The following LTBP1 variants were observed in gnomAD, a reference collection of about 807,000 sequenced individuals.
The protein encoded by LTBP1 is latent transforming growth factor beta binding protein 1.
LTBP1 carries 129 observed loss-of-function variants against 207.6 expected under a neutral mutation model. The ratio of observed to expected loss-of-function variants is 0.62; its 90% CI spans 0.54 to 0.72. The LOEUF is 0.72. Among genes scored for constraint, LTBP1 ranks in the 30% least tolerant of loss-of-function variants. The probability of loss-of-function intolerance (pLI) is 0.00; values close to 1 mark genes in which losing one functional copy is unlikely to be tolerated. For synonymous variants in LTBP1, 963 were observed against 833.7 expected (o/e 1.16, Z -2.67); for missense variants, 2,281 against 2,217.2 (o/e 1.03, Z -0.58).
chr2:32,956,341 C>T (rs983076238), intron 2 of LTBP1, among the ~76,000 whole-genome samples: 2 of 152,112 alleles, frequency 1.3e-5, no homozygotes, highest in Admixed American at 1.3e-4. Flanking sequence ...TCAAACGCTA[C>T]TGCTGCCTTA....
At chr2:33,229,399 G>A (rs62146734) in intron 9 of LTBP1, among the ~76,000 whole-genome samples, 59,436 of 151,978 alleles carry the variant, frequency 0.39, 13,047 homozygotes, top group Non-Finnish European at 0.49. Context: ...GCTTGAGTCC[G>A]GGAGTTCGAG....
chr2:33,181,043 G>A (rs1287198786), intron 5 of LTBP1, among the ~76,000 whole-genome samples: 1 of 152,148 alleles, frequency 6.6e-6, no homozygotes, highest in Non-Finnish European at 1.5e-5. Context: ...TCAGATGGAG[G>A]TTTGTTTTCC....
At chr2:33,050,873 A>C (rs1439486435) in intron 3 of LTBP1, among the ~76,000 whole-genome samples, 1 of 151,944 alleles carries the variant, frequency 6.6e-6, no homozygotes, top group Non-Finnish European at 1.5e-5. Context: ...AGCTGGGATT[A>C]CAGGCGGGCA....
At chr2:33,204,971 T>G (rs1187559692) in intron 7 of LTBP1, among the ~76,000 whole-genome samples, 1 of 152,206 alleles carries the variant, frequency 6.6e-6, no homozygotes, top group African/African-American at 2.4e-5. Context: ...GTTTCTTCAT[T>G]TTTCAAATAA....
At chr2:32,987,761 C>T (rs1253588809) in intron 2 of LTBP1, among the ~76,000 whole-genome samples, 1 of 152,176 alleles carries the variant, frequency 6.6e-6, no homozygotes, top group African/African-American at 2.4e-5. Flanking sequence ...CACATCCATG[C>T]ATTACATACT....
chr2:33,076,570 CTT>C lies in LTBP1; in HGVS notation c.864-34011_864-34010del, dbSNP rs1471348849. ...TTTTTTTTTGAGATGGAGTTTCACT[CTT>C]GTCACCCAGGCTGGAGTGCAGTGGC... On this transcript the variant is annotated intron_variant, in intron 3 of 33. Transcript: ENST00000404816. Among the ~76,000 whole-genome samples the C allele has an allele frequency of 2.6e-5, 4 of 151,386 alleles. No homozygotes were observed. In the South Asian group the frequency reaches 8.4e-4, roughly 32 times the overall value.
chr2:33,384,840 A>G (rs1485217453), intron 31 of LTBP1, among the ~76,000 whole-genome samples: 1 of 152,132 alleles, frequency 6.6e-6, no homozygotes, highest in African/African-American at 2.4e-5. Flanking sequence ...AAGCACCTCC[A>G]AGCTGTAATG....
chr2:33,012,784 A>G (rs1029970075), intron 2 of LTBP1, among the ~76,000 whole-genome samples: 15 of 152,370 alleles, frequency 9.8e-5, no homozygotes, highest in African/African-American at 3.4e-4. Flanking sequence ...GATAACAGTT[A>G]TAACAATATA....
intron 23 of LTBP1, among the ~76,000 whole-genome samples, chr2:33,313,067 G>A (rs560638063): frequency 6.6e-6 from 1 of 152,252 alleles, no homozygotes; most frequent in East Asian, 1.9e-4. Context: ...AATAGGTAGA[G>A]AACAAACATA....
At chr2:33,034,808 C>T (rs1016565270) in intron 3 of LTBP1, among the ~76,000 whole-genome samples, 4 of 151,766 alleles carry the variant, frequency 2.6e-5, no homozygotes, top group East Asian at 1.9e-4. Context: ...TGAATAAATA[C>T]GCAATATGGA....
At chr2:33,154,273 A>G (rs1162182060) in intron 5 of LTBP1, among the ~76,000 whole-genome samples, 2 of 152,310 alleles carry the variant, frequency 1.3e-5, no homozygotes, top group East Asian at 3.9e-4. Flanking sequence ...AATATGTAAC[A>G]CATAATGCAA....
chr2:33,148,017 A>G (rs1379858296), intron 5 of LTBP1, among the ~76,000 whole-genome samples: 3 of 152,366 alleles, frequency 2.0e-5, no homozygotes, highest in Middle Eastern at 3.4e-3. Flanking sequence ...CCCAAATCCC[A>G]TAACAGGAGT....
At chr2:33,305,886 A>G (rs1290580438) in intron 22 of LTBP1, among the ~76,000 whole-genome samples, 4 of 152,204 alleles carry the variant, frequency 2.6e-5, no homozygotes, top group Non-Finnish European at 5.9e-5. Context: ...TAACAGAAGA[A>G]CCAAAAGTTA....
At chr2:33,040,698 C>T (rs1651248988) in intron 3 of LTBP1, among the ~76,000 whole-genome samples, 1 of 152,202 alleles carries the variant, frequency 6.6e-6, no homozygotes, top group Non-Finnish European at 1.5e-5. Flanking sequence ...ATTTTGCATG[C>T]ATTACTTGTG....
chr2:33,030,741 A>G (rs578148335), intron 3 of LTBP1, among the ~76,000 whole-genome samples: 1 of 152,326 alleles, frequency 6.6e-6, no homozygotes, highest in Admixed American at 6.5e-5. Context: ...TTTTCCTTTA[A>G]TATTTTAAGC....
At chr2:33,249,671 G>A (rs928523672) in intron 10 of LTBP1, among the ~76,000 whole-genome samples, 2 of 152,082 alleles carry the variant, frequency 1.3e-5, no homozygotes, top group African/African-American at 4.8e-5. Context: ...TACTTTCCTG[G>A]TGGATGTGGC....
chr2:33,324,034 G>A (rs1485728524), intron 24 of LTBP1, among the ~76,000 whole-genome samples: 1 of 152,094 alleles, frequency 6.6e-6, no homozygotes, highest in Non-Finnish European at 1.5e-5. Flanking sequence ...GTTGATGTGT[G>A]TTGGCAAGTA....
intron 15 of LTBP1, among the ~76,000 whole-genome samples, chr2:33,269,068 T>C (rs1049885171): frequency 6.6e-6 from 1 of 152,168 alleles, no homozygotes; most frequent in Non-Finnish European, 1.5e-5. Flanking sequence ...TTTATTTCCA[T>C]GTGAAATCAT....
At chr2:33,342,527 TAA>T (rs1241008533) in intron 24 of LTBP1, among the ~76,000 whole-genome samples, 2 of 152,224 alleles carry the variant, frequency 1.3e-5, no homozygotes, top group Non-Finnish European at 2.9e-5. Flanking sequence ...CCCTTGGAAA[TAA>T]AGAGTCGAGA....
Sources: gnomAD v4.1 joint callset for allele counts (sites outside exome capture counted in the v4.1 genomes callset) on GRCh38, gnomAD v4.1.1 for gene constraint, MANE v1.5 for transcripts, NCBI Gene and HGNC (gene_info 2026-07-23, HGNC 2026-07-21) for gene names.